The following LRCH2 variants were observed in gnomAD, a reference collection of about 807,000 sequenced individuals.
The protein encoded by LRCH2 is leucine-rich repeat and calponin homology domain-containing protein 2.
In LRCH2, 38 loss-of-function variants were observed where a neutral mutation model predicts 68.9. The ratio of observed to expected loss-of-function variants is 0.55; its 90% confidence interval spans 0.43 to 0.72. The LOEUF is 0.72. LRCH2 is among the 30% of genes least tolerant of loss of function. The probability of loss-of-function intolerance (pLI) is 0.00; values close to 1 mark genes in which losing one functional copy is unlikely to be tolerated. For synonymous variants in LRCH2, 191 were observed against 208.1 expected (o/e 0.92, Z 0.71); for missense variants, 528 against 572.9 (o/e 0.92, Z 0.80).
Position 115,112,020 on chromosome X carries a change from C to CATG in LRCH2, c.*1195_*1196insCAT, listed in dbSNP as rs1556522874. On this transcript the variant is annotated 3_prime_UTR_variant, in exon 21 of 21. Transcript: ENST00000317135. ...TACCACCAATGTAAATTTACCCATA[C>CATG]CTAAGTTAAAACAAGGACTTTGTGT... 2 of 111,874 alleles carry CATG rather than the reference C, an allele frequency of 1.8e-5. No homozygotes were observed. The highest frequency in any genetic ancestry group is 6.5e-5 in the African/African-American group (2 of 30,845). The allele number at this position is 111,874 out of a possible 1,213,427, so 9.2% of individuals were successfully genotyped here. A position where few individuals can be genotyped will look rare whatever the true frequency, so the allele number is the denominator to read the frequency against.
chrX:115,160,918 T>C (rs1290908383), intron 11 of LRCH2, among the ~76,000 whole-genome samples: 4 of 112,302 alleles, frequency 3.6e-5, no homozygotes, highest in South Asian at 3.6e-4. Flanking sequence ...TAGTAACATA[T>C]TGTAGAAGGA....
chrX:115,202,827 A>G (rs2072939403), intron 1 of LRCH2, among the ~76,000 whole-genome samples: 1 of 112,174 alleles, frequency 8.9e-6, no homozygotes, highest in Admixed American at 9.5e-5. Context: ...AGACCTTAAC[A>G]TATATTGCTT....
Position 115,149,812 on chromosome X carries a change from C to G in LRCH2, c.1695+15G>C. The stretch of plus-strand genomic sequence containing the variant: ...AATAATTACAAAGTAAATTTAAAAA[C>G]TTAATATAGAGTACCTTGAAATATT... On this transcript the variant is annotated intron_variant, in intron 14 of 20. Coordinates refer to ENST00000317135, the MANE Select transcript of LRCH2 (RefSeq NM_020871.4). 1.9e-6 allele frequency: 2 copies of G among 1,051,296 alleles called. No homozygotes were observed. Among genetic ancestry groups the G allele is most frequent in the Middle Eastern group, 2.6e-4 (1 of 3,796 alleles). The allele number at this position is 1,051,296 out of a possible 1,213,427, so 86.6% of individuals were successfully genotyped here. A position where few individuals can be genotyped will look rare whatever the true frequency, so the allele number is the denominator to read the frequency against.
At chrX:115,213,760 A>C (rs918669792) in intron 1 of LRCH2, among the ~76,000 whole-genome samples, 4 of 111,960 alleles carry the variant, frequency 3.6e-5, no homozygotes, top group Non-Finnish European at 5.6e-5. Flanking sequence ...ACTAAAAAAG[A>C]GGGGAGATGA....
At chrX:115,228,892 T>C (rs1030207705) in intron 1 of LRCH2, among the ~76,000 whole-genome samples, 2 of 111,121 alleles carry the variant, frequency 1.8e-5, no homozygotes, top group Admixed American at 1.9e-4. Context: ...GTACAGTATA[T>C]TAAAATATAT....
At chrX:115,227,146 A>G (rs1257533995) in intron 1 of LRCH2, among the ~76,000 whole-genome samples, 2 of 110,708 alleles carry the variant, frequency 1.8e-5, no homozygotes, top group African/African-American at 6.6e-5. Context: ...GTCTTCAGCC[A>G]GGTGTGGTGC....
intron 1 of LRCH2, chrX:115,190,157 TCCGGGAGCCACTGCCC>T (rs1556556864): frequency 8.6e-7 from 1 of 1,164,224 alleles, no homozygotes; most frequent in Non-Finnish European, 1.1e-6. Context: ...GGCCCGCGGG[TCCGGGAGCCACTGCCC>T]CCGTGCCGCG....
intron 1 of LRCH2, chrX:115,192,231 C>T (rs1556561024): frequency 3.4e-6 from 4 of 1,159,718 alleles, no homozygotes; most frequent in Non-Finnish European, 4.6e-6. Context: ...GCCGCGGCCT[C>T]AACAGTTCCA....
At chrX:115,114,739 G>A (rs1302883888) in intron 20 of LRCH2, among the ~76,000 whole-genome samples, 2 of 110,523 alleles carry the variant, frequency 1.8e-5, no homozygotes, top group African/African-American at 6.5e-5. Context: ...AGTTTGACAA[G>A]TTAGATGAAA....
intron 14 of LRCH2, among the ~76,000 whole-genome samples, chrX:115,148,070 T>C (rs782432156): frequency 3.4e-5 from 3 of 89,122 alleles, no homozygotes; most frequent in African/African-American, 1.6e-4. Context: ...ACTCTGTCTC[T>C]TAAAAAAAAA....
intron 14 of LRCH2, among the ~76,000 whole-genome samples, chrX:115,148,799 C>A (rs781881811): frequency 9.0e-6 from 1 of 111,309 alleles, no homozygotes; most frequent in Non-Finnish European, 1.9e-5. Flanking sequence ...AAATGTAAGA[C>A]TCATTAAAAG....
At chrX:115,141,361 A>T (rs1556534188) in intron 14 of LRCH2, among the ~76,000 whole-genome samples, 1 of 111,606 alleles carries the variant, frequency 9.0e-6, no homozygotes, top group East Asian at 2.8e-4. Context: ...GAGACACAAG[A>T]CATCAATCAA....
At chrX:115,125,385 C>A (rs1012402580) in intron 16 of LRCH2, among the ~76,000 whole-genome samples, 7 of 85,927 alleles carry the variant, frequency 8.1e-5, no homozygotes, top group Admixed American at 1.4e-4. Context: ...CCAGCCTAGG[C>A]AACAGAGTGA....
At chrX:115,165,747 T>C (rs2072554180) in intron 8 of LRCH2, 92 bp from the exon 9 acceptor site, 1 of 930,635 alleles carries the variant, frequency 1.1e-6, no homozygotes, top group African/African-American at 2.0e-5. Flanking sequence ...TTTCTCAATG[T>C]AAGAGTTTGC....
chrX:115,130,057 C>A, intron 15 of LRCH2, 98 bp downstream of exon 15: 1 of 425,669 alleles, frequency 2.3e-6, no homozygotes, highest in Non-Finnish European at 3.9e-6. Context: ...AAATCAATAA[C>A]AAAGAAACTG....
intron 12 of LRCH2, among the ~76,000 whole-genome samples, chrX:115,151,025 A>T (rs953629367): frequency 8.9e-6 from 1 of 111,769 alleles, no homozygotes; most frequent in Non-Finnish European, 1.9e-5. Flanking sequence ...TCTTGGATAG[A>T]TAAGTATTAC....
chrX:115,161,182 G>A (rs1287207334), intron 11 of LRCH2, among the ~76,000 whole-genome samples: 8 of 110,927 alleles, frequency 7.2e-5, no homozygotes, highest in African/African-American at 2.3e-4. Context: ...GCGAAACCCC[G>A]TCTCTACTAA....
chrX:115,141,225 C>CA (rs1157147536), intron 14 of LRCH2, among the ~76,000 whole-genome samples: 1,497 of 86,253 alleles, frequency 0.017, 37 homozygotes, highest in African/African-American at 0.056. Flanking sequence ...GACTCTGTCT[C>CA]AAAAAAAAAA....
intron 16 of LRCH2, among the ~76,000 whole-genome samples, chrX:115,125,499 A>G (rs1556527382): frequency 0.016 from 1 of 64 alleles, no homozygotes. Flanking sequence ...ATATATATAT[A>G]TATATATATA....
Sources: allele counts gnomAD v4.1 joint callset (sites outside exome capture counted in the v4.1 genomes callset), GRCh38; gene constraint gnomAD v4.1.1; transcripts MANE v1.5; gene names NCBI Gene and HGNC (gene_info 2026-07-23, HGNC 2026-07-21).